Variants in ARHGEF28 observed in about 807,000 individuals in gnomAD.
ARHGEF28 encodes 190 kDa guanine nucleotide exchange factor.
ARHGEF28 carries 152 observed loss-of-function variants against 206.6 expected under a neutral mutation model. The ratio of observed to expected loss-of-function variants is 0.74; its 90% CI spans 0.64 to 0.84. The LOEUF is 0.84. Among genes scored for constraint, ARHGEF28 ranks in the 40% least tolerant of loss-of-function variants. The pLI is 0.00. For missense variants in ARHGEF28, 2,028 were observed against 2,073.2 expected (o/e 0.98, Z 0.42); for synonymous variants, 763 against 776.4 (o/e 0.98, Z 0.29).
chr5:73,791,340 C>T (rs1296779308), intron 7 of ARHGEF28, among the ~76,000 whole-genome samples: 1 of 152,232 alleles, frequency 6.6e-6, no homozygotes, highest in Non-Finnish European at 1.5e-5. Context: ...GCTATGAACA[C>T]TACCATCAGG....
At chr5:73,656,698 C>G (rs1419100955) in intron 1 of ARHGEF28, among the ~76,000 whole-genome samples, 1 of 152,156 alleles carries the variant, frequency 6.6e-6, no homozygotes, top group Non-Finnish European at 1.5e-5. Flanking sequence ...CAGATTATGT[C>G]ACTCAGCTCA....
chr5:73,759,508 A>G (rs1752488691), intron 4 of ARHGEF28, among the ~76,000 whole-genome samples: 1 of 152,204 alleles, frequency 6.6e-6, no homozygotes, highest in Non-Finnish European at 1.5e-5. Context: ...TGCTTTACAC[A>G]TAATGGAAAG....
In ARHGEF28 at chr5:73,870,330, C is replaced by T. The variant is rs868722686; in HGVS notation, c.2566+121C>T. ...TTCTATCATTTTCTATTTACCTGATCGCAGACAAATTATTTAGATCACCTA... is the reference window on the plus strand; with the variant it reads ...TTCTATCATTTTCTATTTACCTGATTGCAGACAAATTATTTAGATCACCTA... On this transcript the variant is annotated intron_variant, in intron 21 of 35. Transcript: ENST00000513042. 14 of 1,206,146 alleles carry T rather than the reference C, an allele frequency of 1.2e-5. No homozygotes were observed. In the Admixed American group the frequency reaches 1.6e-4, roughly 13 times the overall value. The allele number at this position is 1,206,146 out of a possible 1,614,324, so 74.7% of individuals were successfully genotyped here. A position where few individuals can be genotyped will look rare whatever the true frequency, so the allele number is the denominator to read the frequency against.
At chr5:73,822,280 C>T (rs1281890068) in intron 9 of ARHGEF28, among the ~76,000 whole-genome samples, 2 of 152,184 alleles carry the variant, frequency 1.3e-5, no homozygotes, top group Non-Finnish European at 2.9e-5. Flanking sequence ...GAGGCCCGAC[C>T]TCCTTCCAGG....
At position 73,885,884 on chromosome 5, in the gene ARHGEF28, G is replaced by A. The variant is rs180779810; in HGVS notation, c.3090G>A (p.Ala1030=). Residue 1030 remains alanine (A), a synonymous_variant, in exon 25 of 36, where the codon GCG becomes GCA. Coordinates refer to ENST00000513042, the MANE Select transcript of ARHGEF28 (RefSeq NM_001177693.2). ...AGGAACATAAAGACTTACGCAAAGC[G>A]CTTTGCTTAATTAAAGACATGATTG... ...RTEEHKDLRK[A]LCLIKDMIAT... 81 of 1,613,274 alleles carry A rather than the reference G, an allele frequency of 5.0e-5. No homozygotes were observed. The Middle Eastern group carries it at 6.6e-4, about 13-fold the overall frequency.
intron 1 of ARHGEF28, among the ~76,000 whole-genome samples, chr5:73,684,378 C>T (rs761267861): frequency 4.6e-5 from 7 of 152,198 alleles, no homozygotes; most frequent in Non-Finnish European, 1.0e-4. Context: ...CTTTAAGGCT[C>T]ATTCGTGTTA....
intron 27 of ARHGEF28, among the ~76,000 whole-genome samples, chr5:73,892,472 C>A (rs546257656): frequency 1.3e-5 from 2 of 152,326 alleles, no homozygotes; most frequent in South Asian, 2.1e-4. Flanking sequence ...TCGGGCCTCC[C>A]CTCCTCCATG....
chr5:73,912,872 A>T (rs888906826), intron 35 of ARHGEF28, among the ~76,000 whole-genome samples: 59 of 152,188 alleles, frequency 3.9e-4, no homozygotes, highest in African/African-American at 1.4e-3. Context: ...ACAGTGCTTC[A>T]TGTGGTTTTG....
intron 9 of ARHGEF28, chr5:73,828,173 T>C (rs534872554): frequency 6.6e-6 from 1 of 152,372 alleles, no homozygotes; most frequent in African/African-American, 2.4e-5. Flanking sequence ...CTTGAAAGTG[T>C]CCTTTAAGGC....
intron 35 of ARHGEF28, among the ~76,000 whole-genome samples, chr5:73,939,875 C>G (rs901599210): frequency 6.6e-6 from 1 of 150,704 alleles, no homozygotes; most frequent in Non-Finnish European, 1.5e-5. Context: ...TCTTTTTTTT[C>G]TTTATGTTCT....
intron 13 of ARHGEF28, among the ~76,000 whole-genome samples, chr5:73,850,912 C>G (rs1407448822): frequency 6.6e-6 from 1 of 152,094 alleles, no homozygotes; most frequent in Admixed American, 6.6e-5. Flanking sequence ...ACAGTTAGAA[C>G]CAGGCAATTT....
chr5:73,753,144 T>A lies in ARHGEF28; in HGVS notation c.417T>A (p.Ala139=). Residue 139 remains alanine (A), a synonymous_variant, in exon 4 of 36, where the codon GCT becomes GCA. Transcript: ENST00000513042. The part of the protein sequence containing the change: ...LPALDEELVL[A]LTHLELPLEW... The stretch of plus-strand genomic sequence containing the variant: ...CCTTGGATGAGGAGCTCGTGCTGGC[T>A]CTGACCCATCTGGAATTGCCTCTAG... 1 of 1,559,176 alleles carries A rather than the reference T, an allele frequency of 6.4e-7. No individual in the cohort carries two copies. Among genetic ancestry groups the A allele is most frequent in the East Asian group, 2.2e-5 (1 of 44,580 alleles).
chr5:73,809,865 A>G (rs1015512155), intron 9 of ARHGEF28, among the ~76,000 whole-genome samples: 4 of 152,214 alleles, frequency 2.6e-5, no homozygotes, highest in African/African-American at 2.4e-5. Context: ...GTTGTATGAT[A>G]TATGGTGAAA....
chr5:73,758,740 A>G (rs1752443429), intron 4 of ARHGEF28, among the ~76,000 whole-genome samples: 1 of 151,892 alleles, frequency 6.6e-6, no homozygotes, highest in Non-Finnish European at 1.5e-5. Context: ...ATTTTTAGAG[A>G]TGGGGTTTCA....
intron 9 of ARHGEF28, among the ~76,000 whole-genome samples, chr5:73,805,868 G>C (rs569395132): frequency 6.6e-6 from 1 of 151,970 alleles, no homozygotes; most frequent in East Asian, 1.9e-4. Flanking sequence ...GAGCCTGCCC[G>C]TTTTTTCTTT....
intron 9 of ARHGEF28, among the ~76,000 whole-genome samples, chr5:73,824,872 A>G (rs1579944207): frequency 6.6e-6 from 1 of 152,172 alleles, no homozygotes; most frequent in African/African-American, 2.4e-5. Context: ...TAAGTGTTGA[A>G]AAAAAGAATG....
At chr5:73,819,232 G>T (rs1019465799) in intron 9 of ARHGEF28, among the ~76,000 whole-genome samples, 5 of 152,178 alleles carry the variant, frequency 3.3e-5, no homozygotes, top group African/African-American at 4.8e-5. Flanking sequence ...CAAATGTTGC[G>T]CTGGCCTGGA....
chr5:73,922,556 A>AT (rs745459958), intron 35 of ARHGEF28, among the ~76,000 whole-genome samples: 63 of 151,840 alleles, frequency 4.1e-4, no homozygotes, highest in Non-Finnish European at 5.4e-4. Context: ...ACTATGATGG[A>AT]TTTTTTTTTC....
At position 73,909,817 on chromosome 5, in the gene ARHGEF28, G is replaced by A; in HGVS notation, c.4567G>A (p.Ala1523Thr). The part of the protein sequence containing the change: ...LVEREQARMR[A>T]QQSLLGHWKH... ...GGAGAGGGAGCAGGCGAGGATGCGG[G>A]CCCAGCAGAGCCTGCTGGGCCACTG... The change falls in exon 34 of 36, where the codon GCC (alanine) becomes ACC (threonine). Residue 1523 changes from alanine (A) to threonine (T), a missense_variant. By Grantham distance (58) the Ala-to-Thr change is moderately conservative. This residue lies in a region of ARHGEF28 where 803 missense variants were observed against 768.0 expected (regional missense o/e 1.05). Coordinates refer to ENST00000513042, the MANE Select transcript of ARHGEF28 (RefSeq NM_001177693.2). The A allele has an allele frequency of 2.0e-6, 3 of 1,537,644 alleles. No individual in the cohort carries two copies. The highest frequency in any genetic ancestry group is 1.2e-5 in the South Asian group (1 of 80,816).
Sources: gnomAD v4.1 joint callset for allele counts (sites outside exome capture counted in the v4.1 genomes callset) on GRCh38, gnomAD v4.1.1 for gene constraint, gnomAD v4.1.1 regional missense constraint, MANE v1.5 for transcripts, NCBI Gene and HGNC (gene_info 2026-07-23, HGNC 2026-07-21) for gene names.